Variants in NLRP13 observed in about 807,000 individuals in gnomAD.
NLRP13 encodes the protein NACHT, LRR and PYD domains-containing protein 13.
In NLRP13, 82 loss-of-function variants were observed where a neutral mutation model predicts 94.4. That is an observed-to-expected ratio of 0.87 (90% CI 0.73 to 1.04). The LOEUF is 1.04. Among genes scored for constraint, NLRP13 ranks in the 50% least tolerant of loss-of-function variants. The probability of loss-of-function intolerance (pLI) is 0.00; values close to 1 mark genes in which losing one functional copy is unlikely to be tolerated. For missense variants in NLRP13, 1,426 were observed against 1,230.8 expected, an observed-to-expected ratio of 1.16 and a Z score of -2.37; for synonymous variants, 553 against 464.7, an observed-to-expected ratio of 1.19 and a Z score of -2.45.
At chr19:55,906,530 T>TA (rs1295781591) in intron 7 of NLRP13, among the ~76,000 whole-genome samples, 1 of 152,032 alleles carries the variant, frequency 6.6e-6, no homozygotes, top group Non-Finnish European at 1.5e-5. Context: ...CCGCAAGACT[T>TA]ACGACAGCTC....
At chr19:55,924,092 A>G in intron 3 of NLRP13, 113 bp from the exon 4 acceptor site, 1 of 790,764 alleles carries the variant, frequency 1.3e-6, no homozygotes, top group South Asian at 1.5e-5. Flanking sequence ...GAGAGTGAAG[A>G]GACTGGAGAA....
chr19:55,926,336 G>A (rs1053396418), intron 1 of NLRP13, among the ~76,000 whole-genome samples: 3 of 152,182 alleles, frequency 2.0e-5, no homozygotes, highest in African/African-American at 7.2e-5. Context: ...GAAAACAAAG[G>A]TTAAAAATTA....
rs1026949065 is a variant in NLRP13, at chr19:55,898,215, T to G, written c.2957+555A>C. ...GAGAGTTTTTGTTTTTGTTTTTGTTTTTTTTTTTTTTGAGATGGAGTTTCG... is the reference window on the plus strand; with the variant it reads ...GAGAGTTTTTGTTTTTGTTTTTGTTGTTTTTTTTTTTGAGATGGAGTTTCG... On this transcript the variant is annotated intron_variant, in intron 10 of 10. Coordinates refer to ENST00000342929, the MANE Select transcript of NLRP13 (RefSeq NM_176810.2). Among the ~76,000 whole-genome samples the G allele has an allele frequency of 4.5e-4, 67 of 148,864 alleles. 1 individual carries two copies. Among genetic ancestry groups the G allele is most frequent in the Admixed American group, 1.1e-3 (17 of 14,986 alleles).
downstream of NLRP13, among the ~76,000 whole-genome samples, chr19:55,892,861 T>C (rs1382559830): frequency 2.0e-5 from 3 of 152,190 alleles, no homozygotes; most frequent in Non-Finnish European, 4.4e-5. Flanking sequence ...ACAAAGGACA[T>C]GGTTTCATTC....
intron 7 of NLRP13, 136 bp downstream of exon 7, chr19:55,907,656 G>A: frequency 1.2e-6 from 1 of 805,978 alleles, no homozygotes; most frequent in Non-Finnish European, 2.1e-6. Flanking sequence ...CTACACATAG[G>A]AACATTCTCC....
chr19:55,924,600 T>C lies in NLRP13; in HGVS notation c.447A>G (p.Glu149=). The change falls in exon 3 of 11, where the codon GAA becomes GAG. Residue 149 remains glutamate (E), a synonymous_variant. Transcript: ENST00000342929. ...AAGTAATGTACACACCTGTTTCTTCTTCTAGCTCGTCTAGTTCTTCTTGGT... is the reference window on the plus strand; with the variant it reads ...AAGTAATGTACACACCTGTTTCTTCCTCTAGCTCGTCTAGTTCTTCTTGGT... The part of the protein sequence containing the change: ...DPNQEELDEL[E]EETGNVQAQG... 6.2e-7 allele frequency: 1 copy of C among 1,612,920 alleles called. No individual in the cohort carries two copies. Among genetic ancestry groups the C allele is most frequent in the Non-Finnish European group, 8.5e-7 (1 of 1,179,068 alleles).
At chr19:55,898,746 G>A (rs1227196381) in intron 10 of NLRP13, 24 bp downstream of exon 10, 3 of 1,579,536 alleles carry the variant, frequency 1.9e-6, no homozygotes, top group Non-Finnish European at 1.7e-6. Context: ...GGAAGACTCT[G>A]CAAGGAGAAC....
At position 55,932,060 on chromosome 19, in the gene NLRP13, C is replaced by A. The variant is rs1011969073; in HGVS notation, c.252G>T (p.Val84=). The A allele has an allele frequency of 6.2e-7, 1 of 1,614,112 alleles. No homozygotes were observed. Among genetic ancestry groups the A allele is most frequent in the Non-Finnish European group, 8.5e-7 (1 of 1,180,024 alleles). ...TCATTGTCTGGAAGATGCCGAGGAC[C>A]ACTTTCCATGCCTGACCTTTTGGGA... ...EHFPKGQAWK[V]VLGIFQTMNL... Residue 84 remains valine, a synonymous_variant, in exon 1 of 11, where the codon GTG becomes GTT. Coordinates refer to ENST00000342929, the MANE Select transcript of NLRP13 (RefSeq NM_176810.2).
intron 9 of NLRP13, among the ~76,000 whole-genome samples, chr19:55,900,620 C>CA: frequency 7.1e-6 from 1 of 140,196 alleles, no homozygotes; most frequent in East Asian, 2.1e-4. Flanking sequence ...AAAAAAAATA[C>CA]AAAAAATTAG....
chr19:55,928,965 C>T (rs539864544), intron 1 of NLRP13, among the ~76,000 whole-genome samples: 16 of 152,056 alleles, frequency 1.1e-4, no homozygotes, highest in South Asian at 2.1e-4. Flanking sequence ...AAAAAGTGGG[C>T]GAAGTATATG....
chr19:55,902,249 C>G (rs769483711), intron 8 of NLRP13, 44 bp from the exon 9 acceptor site: 1 of 1,586,990 alleles, frequency 6.3e-7, no homozygotes, highest in Non-Finnish European at 8.6e-7. Flanking sequence ...GGGAAGCAGC[C>G]CAGACCCAGG....
At chr19:55,931,718 AAAAAAAAG>A (rs1291884100) in intron 1 of NLRP13, among the ~76,000 whole-genome samples, 3 of 96,032 alleles carry the variant, frequency 3.1e-5, no homozygotes, top group Non-Finnish European at 6.2e-5. Flanking sequence ...TCAAAAAAAA[AAAAAAAAG>A]AAAGAAAGAA....
intron 4 of NLRP13, among the ~76,000 whole-genome samples, chr19:55,920,481 A>G (rs117045705): frequency 1.7e-3 from 256 of 152,250 alleles, no homozygotes; most frequent in Non-Finnish European, 3.0e-3. Context: ...CCATTAGAAA[A>G]TGGAGAAAGG....
intron 1 of NLRP13, among the ~76,000 whole-genome samples, chr19:55,926,839 G>A (rs945153586): frequency 5.3e-5 from 8 of 152,180 alleles, no homozygotes; most frequent in South Asian, 2.1e-4. Flanking sequence ...AAACTTTTAT[G>A]TATATAATGA....
Position 55,922,612 on chromosome 19 carries a change from C to T in NLRP13, c.523+1302G>A, listed in dbSNP as rs371002810. Among the ~76,000 whole-genome samples the T allele has an allele frequency of 1.1e-4, 17 of 152,330 alleles. No individual in the cohort carries two copies. In the South Asian group the frequency reaches 3.3e-3, roughly 30 times the overall value. Reference sequence around the variant, plus strand: ...AAGTGCTGGGATTACCGGCGTGAGCCATCATGCCCAGCAGAGTTGTTTTAA... The same window carrying T: ...AAGTGCTGGGATTACCGGCGTGAGCTATCATGCCCAGCAGAGTTGTTTTAA... On this transcript the variant is annotated intron_variant, in intron 4 of 10. Transcript: ENST00000342929.
chr19:55,927,965 T>C (rs1305595477), intron 1 of NLRP13, among the ~76,000 whole-genome samples: 4 of 152,174 alleles, frequency 2.6e-5, no homozygotes, highest in Admixed American at 2.6e-4. Flanking sequence ...CTCAGATGCA[T>C]ATCCCACAAC....
intron 4 of NLRP13, among the ~76,000 whole-genome samples, chr19:55,918,038 A>T (rs1208985464): frequency 6.6e-6 from 1 of 152,084 alleles, no homozygotes; most frequent in Non-Finnish European, 1.5e-5. Flanking sequence ...TAAATTTTTT[A>T]AAAATGGAAA....
At chr19:55,914,838 G>C (rs1217803951) in intron 4 of NLRP13, among the ~76,000 whole-genome samples, 3 of 152,142 alleles carry the variant, frequency 2.0e-5, no homozygotes, top group African/African-American at 2.4e-5. Flanking sequence ...TGGATACCTA[G>C]GTTGATTTCA....
intron 4 of NLRP13, among the ~76,000 whole-genome samples, chr19:55,922,589 G>A (rs886080025): frequency 1.3e-5 from 2 of 152,214 alleles, no homozygotes; most frequent in East Asian, 3.8e-4. Flanking sequence ...ACCTCCCCAA[G>A]TGCTGGGATT....
Sources: allele counts gnomAD v4.1 joint callset (sites outside exome capture counted in the v4.1 genomes callset), GRCh38; gene constraint gnomAD v4.1.1; transcripts MANE v1.5; gene names NCBI Gene and HGNC (gene_info 2026-07-23, HGNC 2026-07-21).